The following STAU2 variants were observed in gnomAD, a reference collection of about 807,000 sequenced individuals.
STAU2 encodes the protein double-stranded RNA-binding protein Staufen homolog 2.
Under a neutral mutation model 65.9 loss-of-function variants are expected in STAU2, and 20 were observed. That is an observed-to-expected ratio of 0.30 (90% CI 0.21 to 0.44). STAU2 has a LOEUF of 0.44. Ranked by LOEUF, STAU2 falls within the 20% of genes least tolerant of loss-of-function variation. The pLI is 1.00. For missense variants in STAU2, 558 were observed against 683.9 expected, an observed-to-expected ratio of 0.82 and a Z score of 2.05; for synonymous variants, 232 against 233.9, an observed-to-expected ratio of 0.99 and a Z score of 0.07.
In STAU2 at chr8:73,552,265, C is replaced by G. The variant is rs750673316; in HGVS notation, c.1277G>C (p.Ser426Thr). The G allele has an allele frequency of 8.1e-6, 13 of 1,613,582 alleles. No individual in the cohort carries two copies. Among genetic ancestry groups the G allele is most frequent in the African/African-American group, 2.7e-5 (2 of 74,902 alleles). ...AGTGCCAGAGATTACTTTGTGGCGG[C>G]TGGCTTCCATCTCTTGATAAACATC... ...SPDVYQEMEA[S>T]RHKVISGTTL... is the part of the protein sequence containing the mutation. The change falls in exon 13 of 15, where the codon AGC (serine) becomes ACC (threonine). Residue 426 changes from serine to threonine, a missense_variant. By Grantham distance (58) the Ser-to-Thr change is moderately conservative. This residue lies in a region of STAU2 where 247 missense variants were observed against 270.1 expected (regional missense o/e 0.91). Coordinates refer to ENST00000524300, the MANE Select transcript of STAU2 (RefSeq NM_001164380.2).
At chr8:73,620,478 T>C (rs1439214605) in intron 6 of STAU2, among the ~76,000 whole-genome samples, 1 of 152,146 alleles carries the variant, frequency 6.6e-6, no homozygotes, top group Non-Finnish European at 1.5e-5. Flanking sequence ...AAAATTTCTG[T>C]TCATTGTAAC....
intron 3 of STAU2, among the ~76,000 whole-genome samples, chr8:73,712,789 T>C (rs28704620): frequency 0.28 from 41,718 of 151,678 alleles, 6,188 homozygotes; most frequent in East Asian, 0.45. Flanking sequence ...ACCTCATCTC[T>C]ACAAAAAAAT....
At chr8:73,715,082 CAAAA>C (rs1157510263) in intron 3 of STAU2, among the ~76,000 whole-genome samples, 1 of 83,858 alleles carries the variant, frequency 1.2e-5, no homozygotes, top group East Asian at 2.9e-4. Context: ...GACTCCGTCT[CAAAA>C]AAAAAAAAAA....
At position 73,490,252 on chromosome 8, in the gene STAU2, C is replaced by T. The variant is rs1171612226; in HGVS notation, c.1530+61760G>A. ...AAGACAAGCTAATGTAACCTCACTG[C>T]GGTGCCATCAACTTGACAAATGGAC... is the stretch of plus-strand genomic sequence containing the variant. On this transcript the variant is annotated intron_variant, in intron 13 of 14. Transcript: ENST00000524300. 5.3e-5 allele frequency among the ~76,000 whole-genome samples: 8 copies of T among 152,106 alleles called. No individual in the cohort carries two copies. In the East Asian group the frequency reaches 9.8e-4, roughly 19 times the overall value.
At chr8:73,482,300 C>CA (rs1360491496) in intron 13 of STAU2, among the ~76,000 whole-genome samples, 1 of 149,780 alleles carries the variant, frequency 6.7e-6, no homozygotes, top group South Asian at 2.1e-4. Context: ...GCTACAACTT[C>CA]AAAAAAAATA....
intron 6 of STAU2, among the ~76,000 whole-genome samples, chr8:73,620,634 T>C (rs929769951): frequency 6.6e-6 from 1 of 152,204 alleles, no homozygotes; most frequent in Non-Finnish European, 1.5e-5. Context: ...TGTATGTGCA[T>C]GCATGTGGAT....
chr8:73,475,046 G>T (rs1044608108), intron 13 of STAU2, among the ~76,000 whole-genome samples: 1 of 152,060 alleles, frequency 6.6e-6, no homozygotes, highest in Non-Finnish European at 1.5e-5. Flanking sequence ...TTTCACTTAC[G>T]CAAAGTACAA....
chr8:73,678,714 T>C (rs1818184247), intron 5 of STAU2, among the ~76,000 whole-genome samples: 1 of 152,254 alleles, frequency 6.6e-6, no homozygotes, highest in Non-Finnish European at 1.5e-5. Flanking sequence ...ACCAGTATTC[T>C]GAAGAGGCTT....
chr8:73,569,166 G>A (rs1377028884), intron 12 of STAU2, among the ~76,000 whole-genome samples: 1 of 152,104 alleles, frequency 6.6e-6, no homozygotes, highest in Non-Finnish European at 1.5e-5. Flanking sequence ...ATTATATCCT[G>A]CGCCTGGCTC....
At chr8:73,541,049 G>T (rs1241963843) in intron 13 of STAU2, among the ~76,000 whole-genome samples, 2 of 152,154 alleles carry the variant, frequency 1.3e-5, no homozygotes, top group African/African-American at 4.8e-5. Flanking sequence ...ATCTTGGAAG[G>T]CCCAATGGAA....
intron 4 of STAU2, among the ~76,000 whole-genome samples, chr8:73,707,004 T>C (rs527712871): frequency 3.7e-4 from 57 of 152,290 alleles, no homozygotes; most frequent in African/African-American, 1.3e-3. Flanking sequence ...TTACCATATA[T>C]AGAGGATAGG....
chr8:73,571,884 A>C (rs1809119552), intron 12 of STAU2, among the ~76,000 whole-genome samples: 1 of 152,222 alleles, frequency 6.6e-6, no homozygotes, highest in Non-Finnish European at 1.5e-5. Flanking sequence ...AGAAGGCAAG[A>C]AATAACTAAG....
At chr8:73,574,253 A>G (rs1030193260) in intron 12 of STAU2, among the ~76,000 whole-genome samples, 1 of 152,236 alleles carries the variant, frequency 6.6e-6, no homozygotes, top group Non-Finnish European at 1.5e-5. Flanking sequence ...AAGTCAGGAA[A>G]CAACAGGTGC....
chr8:73,696,272 A>C (rs181385358), intron 4 of STAU2, among the ~76,000 whole-genome samples: 46 of 152,342 alleles, frequency 3.0e-4, no homozygotes, highest in African/African-American at 1.1e-3. Flanking sequence ...ACAGGCATAA[A>C]CAAACTCAGA....
At chr8:73,651,619 G>T in intron 6 of STAU2, 1 of 629,512 alleles carries the variant, frequency 1.6e-6, no homozygotes. Flanking sequence ...GCTCCTTCTG[G>T]GGTCTCTGCA....
chr8:73,735,197 C>A lies in STAU2; in HGVS notation c.-18+3087G>T, dbSNP rs192818815. 3.1e-3 allele frequency among the ~76,000 whole-genome samples: 478 copies of A among 152,340 alleles called. 2 individuals are homozygous for A. Among genetic ancestry groups the A allele is most frequent in the Non-Finnish European group, 5.1e-3 (348 of 68,034 alleles). Reference sequence around the variant, plus strand: ...CCTCCTGCTTCAGCCTCCCAAAGTGCTGGGATTACAGGCATGGGCCACCAC... The same window carrying A: ...CCTCCTGCTTCAGCCTCCCAAAGTGATGGGATTACAGGCATGGGCCACCAC... On this transcript the variant is annotated intron_variant, in intron 3 of 14. Coordinates refer to ENST00000524300, the MANE Select transcript of STAU2 (RefSeq NM_001164380.2).
intron 6 of STAU2, among the ~76,000 whole-genome samples, chr8:73,625,512 G>T (rs1259970491): frequency 6.6e-6 from 1 of 152,198 alleles, no homozygotes; most frequent in Non-Finnish European, 1.5e-5. Context: ...AACCCATAGA[G>T]ACAGAAAGTA....
chr8:73,424,584 G>A (rs1349979456), intron 13 of STAU2, among the ~76,000 whole-genome samples: 4 of 151,912 alleles, frequency 2.6e-5, no homozygotes, highest in Admixed American at 1.3e-4. Context: ...TCGCATGGAT[G>A]CACCACAGTT....
chr8:73,625,224 A>G (rs1813546885), intron 6 of STAU2, among the ~76,000 whole-genome samples: 1 of 152,206 alleles, frequency 6.6e-6, no homozygotes, highest in Non-Finnish European at 1.5e-5. Flanking sequence ...TATATACCCA[A>G]GAGAAATGAA....
Sources: allele counts gnomAD v4.1 joint callset (sites outside exome capture counted in the v4.1 genomes callset), GRCh38; gene constraint gnomAD v4.1.1; regional missense constraint gnomAD v4.1.1; transcripts MANE v1.5; gene names NCBI Gene and HGNC (gene_info 2026-07-23, HGNC 2026-07-21).